KCNN3: variants seen among roughly 807,000 people sequenced by gnomAD.
KCNN3 encodes the protein potassium calcium-activated channel subfamily N member 3.
A neutral mutation model predicts 62.9 loss-of-function variants in KCNN3; 16 were observed. That is an observed-to-expected ratio of 0.25 (90% CI 0.17 to 0.39). KCNN3 has a LOEUF of 0.39. Among genes scored for constraint, KCNN3 ranks in the 10% least tolerant of loss-of-function variants. The probability of loss-of-function intolerance (pLI) is 1.00; values close to 1 mark genes in which losing one functional copy is unlikely to be tolerated. For missense variants in KCNN3, 599 were observed against 949.4 expected, an observed-to-expected ratio of 0.63 and a Z score of 4.85; for synonymous variants, 370 against 389.2, an observed-to-expected ratio of 0.95 and a Z score of 0.58.
chr1:154,791,172 C>A (rs757948788), intron 2 of KCNN3, among the ~76,000 whole-genome samples: 1 of 140,682 alleles, frequency 7.1e-6, no homozygotes, highest in South Asian at 2.2e-4. Context: ...GAGGTTGCAG[C>A]GAGTCAAGAT....
At chr1:154,810,565 C>T (rs1650363904) in intron 2 of KCNN3, among the ~76,000 whole-genome samples, 1 of 152,166 alleles carries the variant, frequency 6.6e-6, no homozygotes, top group South Asian at 2.1e-4. Flanking sequence ...TGCTGGGCCT[C>T]ATCCTTGAGG....
chr1:154,836,093 T>C (rs1651571122), intron 1 of KCNN3, among the ~76,000 whole-genome samples: 2 of 152,188 alleles, frequency 1.3e-5, no homozygotes, highest in African/African-American at 4.8e-5. Flanking sequence ...AGCCCTTACC[T>C]TGAGCATTTC....
rs1467864940 is a variant in KCNN3 at position 154,702,854 on chromosome 1, G to A, written c.*5122C>T. On this transcript the variant is annotated 3_prime_UTR_variant, in exon 8 of 8. Coordinates refer to ENST00000271915, the MANE Select transcript of KCNN3 (RefSeq NM_002249.6). Reference sequence around the variant, plus strand: ...CTCCACCAGCTTGGTTGGTCACGATGTGTCTCTTTTGCTTGTTTCAACACA... The same window carrying A: ...CTCCACCAGCTTGGTTGGTCACGATATGTCTCTTTTGCTTGTTTCAACACA... 6.6e-6 allele frequency: 1 copy of A among 150,916 alleles called. No individual in the cohort carries two copies. Among genetic ancestry groups the A allele is most frequent in the Non-Finnish European group, 1.5e-5 (1 of 67,806 alleles). 9.3% of individuals were successfully genotyped at this position (150,916 alleles called of 1,614,324 possible). A position where few individuals can be genotyped will look rare whatever the true frequency, so the allele number is the denominator to read the frequency against.
intron 3 of KCNN3, among the ~76,000 whole-genome samples, chr1:154,740,542 A>G (rs199924765): frequency 1.2e-3 from 185 of 152,354 alleles, no homozygotes; most frequent in African/African-American, 4.4e-3. Flanking sequence ...GGATATGTAC[A>G]TATTTCACTT....
At chr1:154,802,871 T>G (rs61811868) in intron 2 of KCNN3, among the ~76,000 whole-genome samples, 21,765 of 152,104 alleles carry the variant, frequency 0.14, 1,707 homozygotes, top group South Asian at 0.28. Context: ...CTGTCACTGT[T>G]AGGCTCCTTT....
chr1:154,708,122 G>A lies in KCNN3; in HGVS notation c.2050C>T (p.Gln684Ter). 6.2e-7 allele frequency: 1 copy of A among 1,613,848 alleles called. No homozygotes were observed. The highest frequency in any genetic ancestry group is 8.5e-7 in the Non-Finnish European group (1 of 1,180,002). The change falls in exon 8 of 8, where the codon CAG becomes TAG. Residue 684 changes from glutamine (Q) to a stop codon, truncating the protein, a stop_gained. Transcript: ENST00000271915. LOFTEE classifies it high-confidence loss of function. ...PLLIADTLRQQQQQLLSAIIE... is the reference protein window; with the variant it reads ...PLLIADTLRQ ...ATGGCAGACAGGAGCTGCTGCTGCT[G>A]CTGGCGCAGGGTGTCGGCGATGAGC...
rs112202101 is a variant in KCNN3, at chr1:154,819,197, G to A, written c.1029+2892C>T. 3.7e-3 allele frequency among the ~76,000 whole-genome samples: 556 copies of A among 152,204 alleles called. 4 individuals are homozygous for A. The highest frequency in any genetic ancestry group is 0.012 in the African/African-American group (509 of 41,502). Reference sequence around the variant, plus strand: ...CTTGGGATAACTCCTTCCTCCACTCGCAGGAAGCAGGTTCCGCAGCTGGCT... The same window carrying A: ...CTTGGGATAACTCCTTCCTCCACTCACAGGAAGCAGGTTCCGCAGCTGGCT... On this transcript the variant is annotated intron_variant, in intron 2 of 7. Transcript: ENST00000271915.
At position 154,869,723 on chromosome 1, in the gene KCNN3, GGCTGCTGCT is replaced by G. The variant is rs3831942; in HGVS notation, c.233_241del (p.Gln78_Gln80del). On this transcript the variant is annotated inframe_deletion, in exon 1 of 8. Transcript: ENST00000271915. This position sits in a 1 kb window ranked among gnomAD's most constrained non-coding sequence, Gnocchi z 6.1. ...GGCGAGCTGAGACAGGGGATGCGGTGGCTGCTGCTGCTGCTGCTGCTGCTGCTGCTGCTG... is the reference window on the plus strand; with the variant it reads ...GGCGAGCTGAGACAGGGGATGCGGTGGCTGCTGCTGCTGCTGCTGCTGCTG... 1.5e-3 allele frequency: 2,198 copies of G among 1,506,444 alleles called. 2 individuals are homozygous for G. Among genetic ancestry groups the G allele is most frequent in the African/African-American group, 4.1e-3 (280 of 68,900 alleles). 93.3% of individuals were successfully genotyped at this position (1,506,444 alleles called of 1,614,324 possible). A position where few individuals can be genotyped will look rare whatever the true frequency, so the allele number is the denominator to read the frequency against.
At chr1:154,800,252 A>G (rs1215257908) in intron 2 of KCNN3, among the ~76,000 whole-genome samples, 4 of 152,170 alleles carry the variant, frequency 2.6e-5, no homozygotes, top group Admixed American at 6.5e-5. Flanking sequence ...CATGAGGGCC[A>G]CCTGCCCCTG....
Position 154,700,306 on chromosome 1 carries a change from G to A in KCNN3, c.*7670C>T, listed in dbSNP as rs978656275. 1 of 152,178 alleles carries A rather than the reference G, an allele frequency of 6.6e-6. No individual in the cohort carries two copies. The highest frequency in any genetic ancestry group is 2.1e-4 in the South Asian group (1 of 4,832). The allele number at this position is 152,178 out of a possible 1,614,324, so 9.4% of individuals were successfully genotyped here. A position where few individuals can be genotyped will look rare whatever the true frequency, so the allele number is the denominator to read the frequency against. On this transcript the variant is annotated 3_prime_UTR_variant, in exon 8 of 8. Transcript: ENST00000271915. ...TAACAAGCTTACAGATGATGCTAAC[G>A]CTGCTGGTCTGTGGACCACACTTTG...
intron 1 of KCNN3, among the ~76,000 whole-genome samples, chr1:154,839,762 CCTGGCCA>C (rs56102842): frequency 0.98 from 148,754 of 152,044 alleles, 72,846 homozygotes; most frequent in East Asian, 1. Flanking sequence ...TTCTGGGGGC[CCTGGCCA>C]CTGGCCACTG....
chr1:154,708,351 C>A, intron 7 of KCNN3, 79 bp from the exon 8 acceptor site: 1 of 1,425,230 alleles, frequency 7.0e-7, no homozygotes. Flanking sequence ...AAATGAAACG[C>A]CCTCCACAGT....
chr1:154,777,511 C>T (rs1316918926), intron 2 of KCNN3, among the ~76,000 whole-genome samples: 2 of 152,188 alleles, frequency 1.3e-5, no homozygotes, highest in Non-Finnish European at 1.5e-5. Context: ...TCATCTCACA[C>T]CATGGGAAGG....
intron 2 of KCNN3, among the ~76,000 whole-genome samples, chr1:154,785,302 A>G (rs1269518859): frequency 6.6e-6 from 1 of 152,176 alleles, no homozygotes; most frequent in East Asian, 1.9e-4. Context: ...ATTTTTAGCA[A>G]CTAAAAATAA....
At chr1:154,836,981 T>C (rs190591703) in intron 1 of KCNN3, among the ~76,000 whole-genome samples, 212 of 152,354 alleles carry the variant, frequency 1.4e-3, no homozygotes, top group African/African-American at 5.0e-3. Flanking sequence ...ATCACTTCCC[T>C]GCAGGCCCCA....
chr1:154,816,174 G>A (rs1650655905), intron 2 of KCNN3, among the ~76,000 whole-genome samples: 1 of 152,074 alleles, frequency 6.6e-6, no homozygotes, highest in African/African-American at 2.4e-5. Flanking sequence ...GAGGTTGAAG[G>A]CCCATAGTTT....
At position 154,711,968 on chromosome 1, in the gene KCNN3, AAG is replaced by A. The variant is rs1167900849; in HGVS notation, c.1899+1494_1899+1495del. 4.0e-5 allele frequency among the ~76,000 whole-genome samples: 6 copies of A among 149,024 alleles called. No homozygotes were observed. The East Asian group carries it at 5.9e-4, about 15-fold the overall frequency. On this transcript the variant is annotated intron_variant, in intron 7 of 7. Coordinates refer to ENST00000271915, the MANE Select transcript of KCNN3 (RefSeq NM_002249.6). ...AGAGAGAGACAGGGAAAGGGAGAGG[AAG>A]AGAGAGACAGGGAGACGGAGAGGAA...
chr1:154,843,915 T>A (rs1651935962), intron 1 of KCNN3, among the ~76,000 whole-genome samples: 1 of 152,184 alleles, frequency 6.6e-6, no homozygotes, highest in Non-Finnish European at 1.5e-5. Flanking sequence ...TGAAGCCAGT[T>A]CTACACAAGA....
intron 5 of KCNN3, among the ~76,000 whole-genome samples, chr1:154,716,549 A>T (rs1700236817): frequency 6.6e-6 from 1 of 152,268 alleles, no homozygotes; most frequent in Non-Finnish European, 1.5e-5. Flanking sequence ...TGTTTTAAAA[A>T]TTTATTACTA....
Sources: gnomAD v4.1 joint callset for allele counts (sites outside exome capture counted in the v4.1 genomes callset) on GRCh38, gnomAD v4.1.1 for gene constraint, Gnocchi (gnomAD v3.1) non-coding constraint, MANE v1.5 for transcripts, NCBI Gene and HGNC (gene_info 2026-07-23, HGNC 2026-07-21) for gene names.